The following STARD13 variants were observed in gnomAD, a reference collection of about 807,000 sequenced individuals.
The protein encoded by STARD13 is stAR-related lipid transfer protein 13.
A neutral mutation model predicts 106.4 loss-of-function variants in STARD13; 62 were observed. The ratio of observed to expected loss-of-function variants is 0.58; its 90% CI spans 0.48 to 0.72. The LOEUF is 0.72. Among genes scored for constraint, STARD13 ranks in the 30% least tolerant of loss-of-function variants. The probability of loss-of-function intolerance (pLI) is 0.00; values close to 1 mark genes in which losing one functional copy is unlikely to be tolerated. For synonymous variants in STARD13, 565 were observed against 553.0 expected (o/e 1.02, Z -0.31); for missense variants, 1,387 against 1,424.0 (o/e 0.97, Z 0.42).
At chr13:33,159,530 C>A (rs1470750848) in intron 3 of STARD13, among the ~76,000 whole-genome samples, 2 of 152,158 alleles carry the variant, frequency 1.3e-5, no homozygotes, top group Non-Finnish European at 2.9e-5. Context: ...TTTGTCCTTG[C>A]AATCCTGATT....
chr13:33,231,277 TGAAGATTTTCAGGAC>T (rs1888907110), intron 1 of STARD13, among the ~76,000 whole-genome samples: 1 of 151,934 alleles, frequency 6.6e-6, no homozygotes. Flanking sequence ...CTGGACAGGG[TGAAGATTTTCAGGAC>T]AGCAGGGCCA....
chr13:33,162,841 A>G (rs1204006469), intron 3 of STARD13, among the ~76,000 whole-genome samples: 3 of 150,558 alleles, frequency 2.0e-5, no homozygotes, highest in African/African-American at 7.4e-5. Context: ...AGCCTTCCAC[A>G]CTCTTTCAAC....
chr13:33,119,721 C>T (rs1875973863), intron 7 of STARD13, among the ~76,000 whole-genome samples: 1 of 152,182 alleles, frequency 6.6e-6, no homozygotes, highest in Non-Finnish European at 1.5e-5. Flanking sequence ...GCTCTAATCC[C>T]ACACATCAGG....
chr13:33,286,876 A>G (rs562992189), upstream of STARD13, among the ~76,000 whole-genome samples: 67 of 152,200 alleles, frequency 4.4e-4, 1 homozygote, highest in South Asian at 0.01. Context: ...GTATATATAT[A>G]TGTGTGTATA....
chr13:33,542,732 A>T, the STARD13 span, among the ~76,000 whole-genome samples: 1 of 152,208 alleles, frequency 6.6e-6, no homozygotes, highest in African/African-American at 2.4e-5. Flanking sequence ...GGCTGGTTGC[A>T]GCGCACATTT....
chr13:33,674,570 A>G, the STARD13 span, among the ~76,000 whole-genome samples: 1 of 152,114 alleles, frequency 6.6e-6, no homozygotes, highest in Admixed American at 6.6e-5. Flanking sequence ...GCATTTCTCT[A>G]CCTTTTGGGG....
At chr13:33,387,542 A>G in the STARD13 span, among the ~76,000 whole-genome samples, 1 of 152,128 alleles carries the variant, frequency 6.6e-6, no homozygotes, top group Non-Finnish European at 1.5e-5. Context: ...AGTGGTTGTT[A>G]TGCTGGACCC....
chr13:33,412,495 T>C, the STARD13 span, among the ~76,000 whole-genome samples: 7 of 152,160 alleles, frequency 4.6e-5, no homozygotes, highest in Non-Finnish European at 1.0e-4. Flanking sequence ...ACATTGAACA[T>C]AGTGATCTAA....
At chr13:33,124,668 A>G (rs950645896) in intron 7 of STARD13, among the ~76,000 whole-genome samples, 1 of 152,210 alleles carries the variant, frequency 6.6e-6, no homozygotes, top group Admixed American at 6.5e-5. Context: ...GTTTATAGCT[A>G]TGGACATTAA....
At chr13:33,120,211 A>C (rs1271583855) in intron 7 of STARD13, among the ~76,000 whole-genome samples, 2 of 152,262 alleles carry the variant, frequency 1.3e-5, no homozygotes, top group African/African-American at 4.8e-5. Context: ...CAGGATCTAC[A>C]AAAAGAATAA....
At chr13:33,558,388 A>T in the STARD13 span, among the ~76,000 whole-genome samples, 5 of 152,212 alleles carry the variant, frequency 3.3e-5, no homozygotes, top group East Asian at 7.7e-4. Context: ...AATGCTTGTT[A>T]AATAAAATTT....
At chr13:33,218,425 G>C (rs986644726) in intron 1 of STARD13, among the ~76,000 whole-genome samples, 7 of 152,130 alleles carry the variant, frequency 4.6e-5, no homozygotes, top group African/African-American at 1.7e-4. Flanking sequence ...GCCACCACTG[G>C]AACACTCTGC....
chr13:33,614,413 A>G, the STARD13 span, among the ~76,000 whole-genome samples: 1 of 151,936 alleles, frequency 6.6e-6, no homozygotes, highest in Non-Finnish European at 1.5e-5. Flanking sequence ...TCCCTTTGAG[A>G]CCAATGTTGA....
chr13:33,322,280 A>C (rs914958929), intron 1 of STARD13, among the ~76,000 whole-genome samples: 1 of 152,230 alleles, frequency 6.6e-6, no homozygotes, highest in Non-Finnish European at 1.5e-5. Flanking sequence ...ACGATGTACA[A>C]ATAAACAGCC....
chr13:33,506,303 C>T, the STARD13 span, among the ~76,000 whole-genome samples: 1 of 152,026 alleles, frequency 6.6e-6, no homozygotes, highest in Admixed American at 6.6e-5. Context: ...TTGTGAAGGA[C>T]CATTTTTCCT....
the STARD13 span, among the ~76,000 whole-genome samples, chr13:33,460,372 T>A: frequency 6.6e-6 from 1 of 151,604 alleles, no homozygotes; most frequent in Non-Finnish European, 1.5e-5. Context: ...GTGCCTGTAG[T>A]CCTAGGTACT....
chr13:33,285,757 AAAAG>A (rs1892030167), upstream of STARD13: 4 of 1,488,858 alleles, frequency 2.7e-6, no homozygotes, highest in South Asian at 1.4e-5. Context: ...GCGATTTTTA[AAAAG>A]AAAGAGGAGT....
At chr13:33,663,083 C>T in the STARD13 span, among the ~76,000 whole-genome samples, 1 of 152,082 alleles carries the variant, frequency 6.6e-6, no homozygotes, top group African/African-American at 2.4e-5. Context: ...AACAATATTA[C>T]TTTCTTTTTT....
At chr13:33,313,655 T>G (rs1893224041) in intron 1 of STARD13, among the ~76,000 whole-genome samples, 1 of 152,168 alleles carries the variant, frequency 6.6e-6, no homozygotes, top group South Asian at 2.1e-4. Flanking sequence ...GTAGCACAAT[T>G]CCACTCCTTC....
Sources: allele counts gnomAD v4.1 joint callset (sites outside exome capture counted in the v4.1 genomes callset), GRCh38; gene constraint gnomAD v4.1.1; transcripts MANE v1.5; gene names NCBI Gene and HGNC (gene_info 2026-07-23, HGNC 2026-07-21).